The following MAK variants were observed in gnomAD, a reference collection of about 807,000 sequenced individuals.
MAK encodes the protein serine/threonine-protein kinase MAK.
MAK carries 65 observed loss-of-function variants against 82.6 expected under a neutral mutation model. The observed-to-expected ratio is 0.79, with a 90% CI of 0.64 to 0.97. The LOEUF (loss-of-function observed/expected upper bound fraction) is 0.97, where lower values mean the gene tolerates loss of function less well. Among genes scored for constraint, MAK ranks in the 50% least tolerant of loss-of-function variants. MAK has a pLI of 0.00. For missense variants in MAK, 703 were observed against 780.2 expected (o/e 0.90, Z 1.18); for synonymous variants, 250 against 274.2 (o/e 0.91, Z 0.87).
At chr6:10,808,459 T>G (rs1339598665) in intron 6 of MAK, among the ~76,000 whole-genome samples, 1 of 152,202 alleles carries the variant, frequency 6.6e-6, no homozygotes, top group African/African-American at 2.4e-5. Flanking sequence ...ATTTTTAACT[T>G]GTTTATCTGT....
intron 8 of MAK, among the ~76,000 whole-genome samples, chr6:10,796,961 A>G (rs997069739): frequency 1.3e-5 from 2 of 152,200 alleles, no homozygotes; most frequent in African/African-American, 4.8e-5. Flanking sequence ...GATTACTTCA[A>G]GCTAAAATAC....
intron 11 of MAK, among the ~76,000 whole-genome samples, chr6:10,784,113 G>A (rs1774292779): frequency 6.6e-6 from 1 of 152,092 alleles, no homozygotes; most frequent in South Asian, 2.1e-4. Context: ...AGTTGTAATG[G>A]GGGCATAGAA....
intron 14 of MAK, among the ~76,000 whole-genome samples, chr6:10,768,980 T>G (rs2127509267): frequency 6.6e-6 from 1 of 152,262 alleles, no homozygotes; most frequent in Non-Finnish European, 1.5e-5. Flanking sequence ...GAGGCCAAGG[T>G]GGGAGGATTG....
chr6:10,783,982 G>A (rs1216844293), intron 11 of MAK, among the ~76,000 whole-genome samples: 8 of 152,162 alleles, frequency 5.3e-5, no homozygotes, highest in Admixed American at 4.6e-4. Context: ...TCACGCCACT[G>A]CACTCCAGCC....
In MAK at chr6:10,775,333, T is replaced by C. The variant is rs755373628; in HGVS notation, c.1592A>G (p.Asn531Ser). ...ATTTTGTATTCTTGCGTTACCTGCATTGCTCCTTTTGAAAGCAAGTTCTGC... is the reference window on the plus strand; with the variant it reads ...ATTTTGTATTCTTGCGTTACCTGCACTGCTCCTTTTGAAAGCAAGTTCTGC... ...VGAELAFKRS[N>S]AEESIIKPIE... The change falls in exon 12 of 15, where the codon AAT (asparagine) becomes AGT (serine). Residue 531 changes from asparagine to serine, a missense_variant. Coordinates refer to ENST00000354489, the MANE Select transcript of MAK (RefSeq NM_001242957.3). The C allele has an allele frequency of 1.9e-6, 3 of 1,613,376 alleles. No individual in the cohort carries two copies. Among genetic ancestry groups the C allele is most frequent in the Admixed American group, 3.3e-5 (2 of 59,992 alleles).
At chr6:10,778,660 A>G (rs922033052) in intron 11 of MAK, among the ~76,000 whole-genome samples, 4 of 152,046 alleles carry the variant, frequency 2.6e-5, no homozygotes, top group Non-Finnish European at 5.9e-5. Context: ...GTGGTATAAA[A>G]TGAGGCTGGA....
At chr6:10,836,590 T>A (rs1779161689) in intron 1 of MAK, among the ~76,000 whole-genome samples, 1 of 152,224 alleles carries the variant, frequency 6.6e-6, no homozygotes, top group Admixed American at 6.5e-5. Context: ...AGGCTTCCCA[T>A]GGTTCTCCAG....
chr6:10,780,136 G>A (rs1399333239), intron 11 of MAK: 3 of 453,468 alleles, frequency 6.6e-6, no homozygotes, highest in Non-Finnish European at 8.7e-6. Context: ...TCAAAACCAC[G>A]ACCGCCAATA....
chr6:10,764,593 G>T lies in MAK; in HGVS notation c.1806C>A (p.Asn602Lys). Residue 602 changes from asparagine to lysine, a missense_variant, in exon 15 of 15, where the codon AAC becomes AAA. Physicochemically the swap from Asn to Lys is moderately conservative, Grantham distance 94. Transcript: ENST00000354489. ...AAAACTGCCCCCGACCAGTTTTTGT[G>T]TTCCAGGTATATTCTGAAAGAAATC... is the stretch of plus-strand genomic sequence containing the variant. ...LNATASEYTW[N>K]TKTGRGQFSG... The T allele has an allele frequency of 1.2e-6, 2 of 1,613,860 alleles. No individual in the cohort carries two copies. The highest frequency in any genetic ancestry group is 1.7e-6 in the Non-Finnish European group (2 of 1,179,872).
chr6:10,797,684 A>ACCT (rs1403876034), intron 8 of MAK: 20 of 985,336 alleles, frequency 2.0e-5, no homozygotes, highest in Non-Finnish European at 2.2e-5. Flanking sequence ...GTTCCCCTGA[A>ACCT]CCTCCTGCCT....
At position 10,808,968 on chromosome 6, in the gene MAK, A is replaced by AT. The variant is rs576654915; in HGVS notation, c.359-27dup. 6.1e-5 allele frequency: 97 copies of AT among 1,588,386 alleles called. No individual in the cohort carries two copies. In the African/African-American group the frequency reaches 1.2e-3, roughly 19 times the overall value. On this transcript the variant is annotated intron_variant, in intron 5 of 14. Transcript: ENST00000354489. ...CTTGATGATATACGGAGAAAAAAAA[A>AT]TACAGTAAATCATTACGTTTAAACA...
chr6:10,790,644 G>C lies in MAK; in HGVS notation c.1316+1031C>G, dbSNP rs766926750. Among the ~76,000 whole-genome samples the C allele has an allele frequency of 7.9e-5, 12 of 152,312 alleles. No homozygotes were observed. The South Asian group carries it at 1.2e-3, about 16-fold the overall frequency. ...TCAGAAGAAGCTGTTAACTTGGCAC[G>C]TGGTGCTCTACTTCCTGCAACGAGG... On this transcript the variant is annotated intron_variant, in intron 10 of 14. Transcript: ENST00000354489.
Position 10,810,345 on chromosome 6 carries a change from CTT to C in MAK, c.359-1405_359-1404del, listed in dbSNP as rs111859354. 2.5e-3 allele frequency among the ~76,000 whole-genome samples: 301 copies of C among 121,660 alleles called. 1 individual carries two copies. The highest frequency in any genetic ancestry group is 8.4e-3 in the African/African-American group (272 of 32,340). 79.8% of individuals were successfully genotyped at this position (121,660 alleles called of 152,430 possible). ...TGGGAAGACTTTCTTTTATCTTTTT[CTT>C]TTTTTTTTTTTTTTTTTGTTTTGAG... On this transcript the variant is annotated intron_variant, in intron 5 of 14. Coordinates refer to ENST00000354489, the MANE Select transcript of MAK (RefSeq NM_001242957.3).
chr6:10,796,805 CAA>C (rs70991046), intron 8 of MAK, among the ~76,000 whole-genome samples: 60,335 of 122,530 alleles, frequency 0.49, 13,177 homozygotes, highest in Non-Finnish European at 0.52. Flanking sequence ...GACTCCACCT[CAA>C]AAAAAAAAAA....
At chr6:10,818,100 T>TGA (rs1777633173) in intron 3 of MAK, 129 bp from the exon 4 acceptor site, 4 of 508,900 alleles carry the variant, frequency 7.9e-6, no homozygotes, top group East Asian at 3.8e-5. Flanking sequence ...ATTAATTAAT[T>TGA]ACATTTTAAT....
chr6:10,819,593 C>G (rs1054959460), intron 2 of MAK, among the ~76,000 whole-genome samples: 2 of 152,108 alleles, frequency 1.3e-5, no homozygotes, highest in Non-Finnish European at 2.9e-5. Flanking sequence ...GATTGCGCCA[C>G]TGCACTCCAG....
At chr6:10,768,580 CAAAAT>C (rs1020528481) in intron 14 of MAK, among the ~76,000 whole-genome samples, 3 of 152,002 alleles carry the variant, frequency 2.0e-5, no homozygotes, top group Admixed American at 6.6e-5. Context: ...GACTCCATCT[CAAAAT>C]AAATAAAATT....
Position 10,791,725 on chromosome 6 carries a change from C to A in MAK, c.1266G>T (p.Lys422Asn), listed in dbSNP as rs137918175. ...TTTCTTTAAAAACACCCATGCTTGGCTTCTTGGAATGGGAGGCTCCGAAAT... is the reference window on the plus strand; with the variant it reads ...TTTCTTTAAAAACACCCATGCTTGGATTCTTGGAATGGGAGGCTCCGAAAT... ...DYDFGASHSKKPSMGVFKEKR... is the reference protein window; with the variant it reads ...DYDFGASHSKNPSMGVFKEKR... The change falls in exon 10 of 15, where the codon AAG becomes AAT. Residue 422 changes from lysine to asparagine, a missense_variant. Lys to Asn is a moderately conservative substitution (Grantham distance 94). Coordinates refer to ENST00000354489, the MANE Select transcript of MAK (RefSeq NM_001242957.3). The A allele has an allele frequency of 6.2e-7, 1 of 1,614,042 alleles. No homozygotes were observed. The highest frequency in any genetic ancestry group is 1.3e-5 in the African/African-American group (1 of 75,004).
chr6:10,825,900 A>G (rs1032540232), intron 2 of MAK, among the ~76,000 whole-genome samples: 10 of 152,160 alleles, frequency 6.6e-5, no homozygotes, highest in Admixed American at 5.9e-4. Flanking sequence ...CCTCTAACCA[A>G]GATGACTGTA....
Sources: allele counts gnomAD v4.1 joint callset (sites outside exome capture counted in the v4.1 genomes callset), GRCh38; gene constraint gnomAD v4.1.1; transcripts MANE v1.5; gene names NCBI Gene and HGNC (gene_info 2026-07-23, HGNC 2026-07-21).